SGO1: variants seen among roughly 807,000 people sequenced by gnomAD.
SGO1 encodes serologically defined breast cancer antigen NY-BR-85.
A neutral mutation model predicts 50.5 loss-of-function variants in SGO1; 39 were observed. The observed-to-expected ratio is 0.77, with a 90% CI of 0.60 to 1.01. The LOEUF (loss-of-function observed/expected upper bound fraction) is 1.01. SGO1 is among the 50% of genes least tolerant of loss of function. The pLI is 0.00. For synonymous variants in SGO1, 191 were observed against 205.1 expected, an observed-to-expected ratio of 0.93 and a Z score of 0.59; for missense variants, 638 against 606.0, an observed-to-expected ratio of 1.05 and a Z score of -0.55.
intron 1 of SGO1, among the ~76,000 whole-genome samples, chr3:20,185,653 C>T (rs778988932): frequency 6.6e-6 from 1 of 152,222 alleles, no homozygotes; most frequent in African/African-American, 2.4e-5. Flanking sequence ...AGGACGTCAA[C>T]GGTATCACGC....
chr3:20,168,365 T>C (rs961798705), downstream of SGO1, among the ~76,000 whole-genome samples: 3 of 151,842 alleles, frequency 2.0e-5, no homozygotes, highest in East Asian at 3.9e-4. Context: ...GAATATAATG[T>C]AGGTACTTTA....
intron 1 of SGO1, among the ~76,000 whole-genome samples, chr3:20,185,607 C>G (rs1043763936): frequency 6.6e-6 from 1 of 152,174 alleles, no homozygotes; most frequent in African/African-American, 2.4e-5. Context: ...GCCGGCCTCT[C>G]CAGGGTAAGT....
At chr3:20,169,162 T>A (rs774993872), downstream of SGO1, 7 of 985,298 alleles carry the variant, frequency 7.1e-6, no homozygotes, top group South Asian at 3.3e-4. Context: ...TACAGAAAGA[T>A]AGGGAGATAA....
rs1559376615 is a variant in SGO1 at position 20,183,661 on chromosome 3, GC to G, written c.285del (p.Gln95HisfsTer5). The G allele has an allele frequency of 3.1e-6, 5 of 1,610,936 alleles. No individual in the cohort carries two copies. The highest frequency in any genetic ancestry group is 4.2e-6 in the Non-Finnish European group (5 of 1,179,224). On this transcript the variant is annotated frameshift_variant, in exon 3 of 8. Coordinates refer to ENST00000412997, the MANE Select transcript of SGO1 (RefSeq NM_001199251.3). LOFTEE classifies it high-confidence loss of function. The part of the protein sequence containing the change: ...LRKECYYLTC[Q>X]LYALKGKLTS... The stretch of plus-strand genomic sequence containing the variant: ...GTAAGTTTTCCTTTCAATGCATATA[GC>G]TGACATGTGAGATAGTAACATTCTT...
intron 3 of SGO1, among the ~76,000 whole-genome samples, chr3:20,181,038 G>C (rs1200290190): frequency 1.1e-4 from 17 of 152,132 alleles, no homozygotes. Flanking sequence ...GAGATGGGAA[G>C]ATTGCCTGAG....
chr3:20,168,591 A>G (rs931463650), downstream of SGO1, among the ~76,000 whole-genome samples: 5 of 151,934 alleles, frequency 3.3e-5, no homozygotes, highest in African/African-American at 1.2e-4. Context: ...GGTAACCACT[A>G]GCCACATATG....
At chr3:20,176,556 C>T (rs1701410937) in intron 5 of SGO1, 45 bp downstream of exon 5, 1 of 1,185,140 alleles carries the variant, frequency 8.4e-7, no homozygotes, top group Non-Finnish European at 1.2e-6. Flanking sequence ...TCTCAAAGAC[C>T]TTATTTTGCC....
downstream of SGO1, among the ~76,000 whole-genome samples, chr3:20,168,735 C>T (rs1326614142): frequency 4.0e-5 from 6 of 151,694 alleles, no homozygotes; most frequent in Admixed American, 2.6e-4. Context: ...CTCCGCCTCC[C>T]GGGTTCACGC....
chr3:20,174,824 T>C lies in SGO1; in HGVS notation c.707A>G (p.His236Arg). Residue 236 changes from histidine (H) to arginine (R), a missense_variant, in exon 6 of 8, where the codon CAC becomes CGC. His to Arg is a conservative substitution (Grantham distance 29). Transcript: ENST00000412997. The stretch of plus-strand genomic sequence containing the variant: ...ATTGTGTTGTACATTTTCAGGTATG[T>C]GCATGTTTACTAGTGGGTCTAAAAA... ...VGFLDPLVNMHIPENVQHNAC... is the reference protein window; with the variant it reads ...VGFLDPLVNMRIPENVQHNAC... The C allele has an allele frequency of 6.2e-7, 1 of 1,614,128 alleles. No homozygotes were observed. Among genetic ancestry groups the C allele is most frequent in the South Asian group, 1.1e-5 (1 of 91,074 alleles).
intron 6 of SGO1, among the ~76,000 whole-genome samples, chr3:20,172,084 C>G (rs1435738851): frequency 2.6e-5 from 4 of 152,236 alleles, no homozygotes; most frequent in Non-Finnish European, 5.9e-5. Context: ...CATAAATATA[C>G]TGTACTGTAT....
At chr3:20,178,382 TG>T in intron 3 of SGO1, 35 bp from the exon 4 acceptor site, 2 of 1,423,922 alleles carry the variant, frequency 1.4e-6, no homozygotes, top group South Asian at 1.2e-5. Flanking sequence ...CTGTTATAAC[TG>T]AAGTATTCAC....
intron 6 of SGO1, among the ~76,000 whole-genome samples, chr3:20,173,773 C>T (rs1045047750): frequency 6.6e-6 from 1 of 152,050 alleles, no homozygotes; most frequent in African/African-American, 2.4e-5. Flanking sequence ...TTAGAGATGT[C>T]GTACAAAAGA....
chr3:20,171,153 T>C lies in SGO1; in HGVS notation c.1362A>G (p.Lys454=). 6.2e-7 allele frequency: 1 copy of C among 1,613,316 alleles called. No individual in the cohort carries two copies. Among genetic ancestry groups the C allele is most frequent in the Non-Finnish European group, 8.5e-7 (1 of 1,179,748 alleles). ...ITNVSLYPVV[K]IRRLSLSPKK... ...TTGGAGAAAGAGAAAGTCTTCTGAT[T>C]TTCACAACAGGATACAAGGAGACAT... is the stretch of plus-strand genomic sequence containing the variant. Residue 454 remains lysine, a synonymous_variant, in exon 7 of 8, where the codon AAA becomes AAG. Transcript: ENST00000412997.
At chr3:20,177,171 C>CT (rs1222299503) in intron 4 of SGO1, 2 of 152,264 alleles carry the variant, frequency 1.3e-5, no homozygotes, top group Non-Finnish European at 2.9e-5. Flanking sequence ...AACACTATTA[C>CT]TGGCAGTTTC....
At chr3:20,166,640 A>G (rs890818991), downstream of SGO1, among the ~76,000 whole-genome samples, 32 of 151,974 alleles carry the variant, frequency 2.1e-4, no homozygotes, top group Non-Finnish European at 5.9e-5. Flanking sequence ...AAGAAGAAGT[A>G]GTTCTGGAAA....
chr3:20,174,692 G>C lies in SGO1; in HGVS notation c.839C>G (p.Thr280Ser). The change falls in exon 6 of 8, where the codon ACT becomes AGT. Residue 280 changes from threonine to serine, a missense_variant. By Grantham distance (58) the Thr-to-Ser change is moderately conservative. Coordinates refer to ENST00000412997, the MANE Select transcript of SGO1 (RefSeq NM_001199251.3). ...EDILESKSEQTKSKQRDTQER... is the reference protein window; with the variant it reads ...EDILESKSEQSKSKQRDTQER... The stretch of plus-strand genomic sequence containing the variant: ...TTGTGTATCTCTTTGCTTACTTTTA[G>C]TTTGTTCAGATTTAGATTCTAAAAT... The C allele has an allele frequency of 6.2e-7, 1 of 1,612,342 alleles. No individual in the cohort carries two copies. Among genetic ancestry groups the C allele is most frequent in the Non-Finnish European group, 8.5e-7 (1 of 1,179,670 alleles).
chr3:20,161,032 C>T lies in SGO1; in HGVS notation c.*73G>A, dbSNP rs191550560. 7.7e-5 allele frequency: 123 copies of T among 1,600,420 alleles called. No individual in the cohort carries two copies. In the East Asian group the frequency reaches 1.4e-3, roughly 18 times the overall value. Reference sequence around the variant, plus strand: ...CTCCCCCAACACATAAAGCTAGAATCTATTAAAGGTCTGCATACATTAGTG... The same window carrying T: ...CTCCCCCAACACATAAAGCTAGAATTTATTAAAGGTCTGCATACATTAGTG... On this transcript the variant is annotated 3_prime_UTR_variant, in exon 9 of 9. Transcript: ENST00000263753.
At chr3:20,183,187 C>G (rs1702223425) in intron 3 of SGO1, among the ~76,000 whole-genome samples, 1 of 152,084 alleles carries the variant, frequency 6.6e-6, no homozygotes, top group Non-Finnish European at 1.5e-5. Flanking sequence ...CTGGATAAAG[C>G]AAAATGACAT....
At chr3:20,179,456 G>C (rs1340231385) in intron 3 of SGO1, among the ~76,000 whole-genome samples, 1 of 152,084 alleles carries the variant, frequency 6.6e-6, no homozygotes, top group Non-Finnish European at 1.5e-5. Flanking sequence ...ATAAAGTCTT[G>C]CTTTGTCACC....
Sources: allele counts gnomAD v4.1 joint callset (sites outside exome capture counted in the v4.1 genomes callset), GRCh38; gene constraint gnomAD v4.1.1; transcripts MANE v1.5; gene names NCBI Gene and HGNC (gene_info 2026-07-23, HGNC 2026-07-21).